RRAS2: variants seen among roughly 807,000 people sequenced by gnomAD.
RRAS2 encodes the protein ras-related protein R-Ras2.
A neutral mutation model predicts 27.6 loss-of-function variants in RRAS2; 7 were observed. The ratio of observed to expected loss-of-function variants is 0.25; its 90% confidence interval spans 0.14 to 0.48. RRAS2 has a LOEUF of 0.48. Among genes scored for constraint, RRAS2 ranks in the 20% least tolerant of loss-of-function variants. The pLI, the probability that RRAS2 is intolerant of heterozygous loss-of-function variation, is 0.99. For synonymous variants in RRAS2, 86 were observed against 90.9 expected (o/e 0.95, Z 0.31); for missense variants, 178 against 256.2 (o/e 0.69, Z 2.08).
At chr11:14,333,904 ACAGGC>A (rs1848536850) in intron 1 of RRAS2, among the ~76,000 whole-genome samples, 1 of 152,228 alleles carries the variant, frequency 6.6e-6, no homozygotes. Flanking sequence ...TGCTGGAATT[ACAGGC>A]GTCAGCCATC....
chr11:14,300,587 G>A (rs978825410), intron 1 of RRAS2, among the ~76,000 whole-genome samples: 8 of 151,908 alleles, frequency 5.3e-5, no homozygotes, highest in East Asian at 1.9e-4. Context: ...TTCCACCCCC[G>A]CCTCAAAAAA....
intron 1 of RRAS2, among the ~76,000 whole-genome samples, chr11:14,309,524 C>G (rs1847910716): frequency 6.6e-6 from 1 of 152,146 alleles, no homozygotes. Flanking sequence ...AGGGGGCTGG[C>G]AACAGCAGGA....
At chr11:14,359,223 A>C, upstream of RRAS2, 1 of 68,468 alleles carries the variant, frequency 1.5e-5, no homozygotes, top group Non-Finnish European at 2.6e-5. Flanking sequence ...CATATGCATG[A>C]GGGGGCGGGG....
Position 14,279,222 on chromosome 11 carries a change from C to T in RRAS2, c.*115G>A. The T allele has an allele frequency of 1.3e-6, 1 of 770,828 alleles. No individual in the cohort carries two copies. Among genetic ancestry groups the T allele is most frequent in the Non-Finnish European group, 2.3e-6 (1 of 439,894 alleles). The allele number at this position is 770,828 out of a possible 1,614,324, so 47.7% of individuals were successfully genotyped here. A position where few individuals can be genotyped will look rare whatever the true frequency, so the allele number is the denominator to read the frequency against. On this transcript the variant is annotated 3_prime_UTR_variant, in exon 6 of 6. Coordinates refer to ENST00000256196, the MANE Select transcript of RRAS2 (RefSeq NM_012250.6). ...GACTAGCCAGCTTCTTCGTCTAAGGCTAACATGGTGATCATTTGTCTAAGG... is the reference window on the plus strand; with the variant it reads ...GACTAGCCAGCTTCTTCGTCTAAGGTTAACATGGTGATCATTTGTCTAAGG...
chr11:14,342,405 C>T (rs1554953398), intron 1 of RRAS2, among the ~76,000 whole-genome samples: 3 of 152,182 alleles, frequency 2.0e-5, no homozygotes, highest in African/African-American at 7.2e-5. Flanking sequence ...ATGACCATGA[C>T]GATGCCATGC....
chr11:14,313,982 A>C (rs993241098), intron 1 of RRAS2, among the ~76,000 whole-genome samples: 1 of 152,240 alleles, frequency 6.6e-6, no homozygotes, highest in Non-Finnish European at 1.5e-5. Context: ...AAGTATTTTT[A>C]ATTTATTATG....
intron 1 of RRAS2, among the ~76,000 whole-genome samples, chr11:14,315,853 T>A (rs1377216514): frequency 1.3e-5 from 2 of 152,152 alleles, no homozygotes; most frequent in Admixed American, 1.3e-4. Flanking sequence ...CTAGACCCAC[T>A]AAACAGTTTC....
At chr11:14,292,442 C>T (rs1158390552) in intron 4 of RRAS2, among the ~76,000 whole-genome samples, 12 of 152,084 alleles carry the variant, frequency 7.9e-5, no homozygotes, top group African/African-American at 2.9e-4. Flanking sequence ...CAATGCACAT[C>T]TACTTTGCCA....
chr11:14,358,457 CG>C lies in RRAS2; in HGVS notation c.108+305del, dbSNP rs1478686585. ...CCCGGCTCGGTGGCCCAGCCTCTCC[CG>C]GAGGTCTCTGGCCTCGGCCAGAGCA... On this transcript the variant is annotated intron_variant, in intron 1 of 5. Coordinates refer to ENST00000256196, the MANE Select transcript of RRAS2 (RefSeq NM_012250.6). The surrounding 1 kb of genome is among the most constrained non-coding windows in gnomAD (Gnocchi z 5.1). 3.1e-5 allele frequency: 31 copies of C among 985,514 alleles called. No individual in the cohort carries two copies. The highest frequency in any genetic ancestry group is 3.5e-5 in the Non-Finnish European group (29 of 830,074). 61.0% of individuals were successfully genotyped at this position (985,514 alleles called of 1,614,324 possible).
At chr11:14,360,891 C>T (rs571758342), upstream of RRAS2, among the ~76,000 whole-genome samples, 1 of 149,396 alleles carries the variant, frequency 6.7e-6, no homozygotes, top group South Asian at 2.1e-4. Context: ...ACTGCACCCA[C>T]GCCTGGGCGA....
At chr11:14,296,688 T>C (rs1290719151) in intron 1 of RRAS2, among the ~76,000 whole-genome samples, 3 of 152,174 alleles carry the variant, frequency 2.0e-5, no homozygotes, top group Non-Finnish European at 2.9e-5. Context: ...CAAGAAAATA[T>C]CATTTTGAAA....
intron 1 of RRAS2, among the ~76,000 whole-genome samples, chr11:14,348,984 G>C (rs1848893977): frequency 1.3e-5 from 2 of 152,062 alleles, no homozygotes; most frequent in African/African-American, 4.8e-5. Flanking sequence ...TCTTGTTTTT[G>C]AGATAGAGTC....
chr11:14,347,251 A>T (rs1353828229), intron 1 of RRAS2, among the ~76,000 whole-genome samples: 3 of 152,224 alleles, frequency 2.0e-5, no homozygotes, highest in Non-Finnish European at 4.4e-5. Context: ...GAATGATAGA[A>T]ATGGCAAATA....
At chr11:14,315,825 T>C (rs192223841) in intron 1 of RRAS2, among the ~76,000 whole-genome samples, 13 of 152,278 alleles carry the variant, frequency 8.5e-5, no homozygotes, top group Admixed American at 3.9e-4. Context: ...AAAGCTTAAA[T>C]TTAATTAAGG....
intron 1 of RRAS2, among the ~76,000 whole-genome samples, chr11:14,334,688 C>T (rs1232735134): frequency 2.0e-5 from 3 of 151,436 alleles, no homozygotes; most frequent in African/African-American, 7.3e-5. Context: ...TCCCACCCTT[C>T]TAGCGAGTGT....
intron 1 of RRAS2, among the ~76,000 whole-genome samples, chr11:14,320,358 C>T (rs1848197696): frequency 6.6e-6 from 1 of 152,240 alleles, no homozygotes; most frequent in South Asian, 2.1e-4. Flanking sequence ...CCTAGAATGA[C>T]TGCATGCTTG....
chr11:14,319,375 G>A (rs1399943149), intron 1 of RRAS2, among the ~76,000 whole-genome samples: 3 of 98,904 alleles, frequency 3.0e-5, no homozygotes, highest in South Asian at 3.7e-4. Flanking sequence ...TTTTTGAGAC[G>A]GAGTCTCGCT....
chr11:14,303,233 T>C (rs115952375), intron 1 of RRAS2, among the ~76,000 whole-genome samples: 39 of 152,344 alleles, frequency 2.6e-4, no homozygotes, highest in African/African-American at 5.8e-4. Context: ...ATGTATACTA[T>C]ATAATTGCTA....
chr11:14,353,407 G>A (rs549234146), intron 1 of RRAS2, among the ~76,000 whole-genome samples: 2 of 152,220 alleles, frequency 1.3e-5, no homozygotes, highest in African/African-American at 4.8e-5. Context: ...CCAACATGGT[G>A]AAACTCCACC....
Sources: allele counts gnomAD v4.1 joint callset (sites outside exome capture counted in the v4.1 genomes callset), GRCh38; gene constraint gnomAD v4.1.1; non-coding constraint Gnocchi (gnomAD v3.1); transcripts MANE v1.5; gene names NCBI Gene and HGNC (gene_info 2026-07-23, HGNC 2026-07-21).